The following RAB3GAP2 variants were observed in gnomAD, a reference collection of about 807,000 sequenced individuals.
RAB3GAP2 encodes the protein rab3 GTPase-activating protein non-catalytic subunit.
RAB3GAP2 carries 87 observed loss-of-function variants against 185.3 expected under a neutral mutation model. The observed-to-expected ratio is 0.47, with a 90% CI of 0.39 to 0.56. The LOEUF is 0.56. RAB3GAP2 is among the 20% of genes least tolerant of loss of function. The probability of loss-of-function intolerance (pLI) is 0.00; values close to 1 mark genes in which losing one functional copy is unlikely to be tolerated. For synonymous variants in RAB3GAP2, 554 were observed against 576.1 expected (o/e 0.96, Z 0.55); for missense variants, 1,492 against 1,638.2 (o/e 0.91, Z 1.54).
intron 1 of RAB3GAP2, among the ~76,000 whole-genome samples, chr1:220,237,390 C>G (rs181240581): frequency 3.3e-5 from 5 of 152,218 alleles, no homozygotes; most frequent in Non-Finnish European, 7.3e-5. Context: ...CTATGTCTTT[C>G]GTTTTACTGT....
At chr1:220,261,617 G>C (rs1660137912) in intron 1 of RAB3GAP2, among the ~76,000 whole-genome samples, 1 of 152,150 alleles carries the variant, frequency 6.6e-6, no homozygotes, top group Non-Finnish European at 1.5e-5. Context: ...TATCACCTTA[G>C]TTCTGCCTTT....
chr1:220,165,690 A>G (rs917833966), intron 26 of RAB3GAP2, among the ~76,000 whole-genome samples: 9 of 152,256 alleles, frequency 5.9e-5, no homozygotes, highest in Admixed American at 2.6e-4. Flanking sequence ...AAATGTAAGC[A>G]ACATTAATGA....
At chr1:220,241,467 A>T (rs1312249338) in intron 1 of RAB3GAP2, among the ~76,000 whole-genome samples, 2 of 152,110 alleles carry the variant, frequency 1.3e-5, no homozygotes, top group African/African-American at 4.8e-5. Context: ...GAGATAATGT[A>T]CTTGCTTCTA....
chr1:220,214,514 A>G (rs1659147683), intron 2 of RAB3GAP2, among the ~76,000 whole-genome samples: 1 of 151,778 alleles, frequency 6.6e-6, no homozygotes, highest in Non-Finnish European at 1.5e-5. Context: ...CGACAGAGTG[A>G]GACTCTGTCT....
chr1:220,198,655 G>A (rs1383297742), intron 9 of RAB3GAP2, among the ~76,000 whole-genome samples: 1 of 151,950 alleles, frequency 6.6e-6, no homozygotes, highest in Admixed American at 6.6e-5. Flanking sequence ...TTATTATTAG[G>A]AATGATATAA....
intron 1 of RAB3GAP2, among the ~76,000 whole-genome samples, chr1:220,234,188 C>G (rs1571919884): frequency 6.6e-6 from 1 of 152,106 alleles, no homozygotes; most frequent in East Asian, 2.0e-4. Flanking sequence ...CTAAAGTCCT[C>G]AGTGCCTGAC....
chr1:220,195,432 A>G, intron 10 of RAB3GAP2, 55 bp from the exon 11 acceptor site: 2 of 1,427,788 alleles, frequency 1.4e-6, no homozygotes, highest in Non-Finnish European at 2.0e-6. Flanking sequence ...AGAAACAAAC[A>G]TACTTTCTAA....
chr1:220,258,375 T>C (rs1320965597), intron 1 of RAB3GAP2, among the ~76,000 whole-genome samples: 1 of 152,142 alleles, frequency 6.6e-6, no homozygotes, highest in African/African-American at 2.4e-5. Flanking sequence ...CACCTCAAAA[T>C]GCTTATCTAC....
At chr1:220,198,659 G>T (rs1658775575) in intron 9 of RAB3GAP2, among the ~76,000 whole-genome samples, 1 of 152,072 alleles carries the variant, frequency 6.6e-6, no homozygotes, top group Non-Finnish European at 1.5e-5. Context: ...TATTAGGAAT[G>T]ATATAAGCAT....
At chr1:220,213,005 C>T (rs1465919779) in intron 3 of RAB3GAP2, 37 bp from the exon 4 acceptor site, 3 of 1,422,846 alleles carry the variant, frequency 2.1e-6, no homozygotes, top group South Asian at 1.2e-5. Context: ...ATAATTTTAG[C>T]TATAATACAC....
intron 9 of RAB3GAP2, among the ~76,000 whole-genome samples, chr1:220,198,434 C>T (rs918605508): frequency 6.6e-6 from 1 of 152,164 alleles, no homozygotes; most frequent in African/African-American, 2.4e-5. Context: ...CTACAGCTGA[C>T]CACATTCCTA....
rs964633674 is a variant in RAB3GAP2, at chr1:220,214,034, T to C, written c.181-55A>G. 4.5e-6 allele frequency: 7 copies of C among 1,569,862 alleles called. No individual in the cohort carries two copies. The African/African-American group carries it at 8.1e-5, about 18-fold the overall frequency. ...GCAAAAATACCAAGAGTATTCAAACTCAGCTTGCCTGTCTCAAGGGGTGAG... is the reference window on the plus strand; with the variant it reads ...GCAAAAATACCAAGAGTATTCAAACCCAGCTTGCCTGTCTCAAGGGGTGAG... On this transcript the variant is annotated intron_variant, in intron 2 of 34. Transcript: ENST00000358951.
chr1:220,254,078 A>G (rs1571931112), intron 1 of RAB3GAP2: 4 of 1,613,810 alleles, frequency 2.5e-6, no homozygotes, highest in African/African-American at 1.3e-5. Flanking sequence ...TGGCTTGTTG[A>G]TGACTGGGAC....
intron 1 of RAB3GAP2, chr1:220,267,260 T>C (rs1388681460): frequency 1.1e-6 from 1 of 906,500 alleles, no homozygotes; most frequent in Non-Finnish European, 1.9e-6. Flanking sequence ...TGAAGTTCTG[T>C]ATTGACTGTT....
At chr1:220,157,071 G>A (rs1242408790) in intron 31 of RAB3GAP2, among the ~76,000 whole-genome samples, 199 bp downstream of exon 31, 2 of 152,112 alleles carry the variant, frequency 1.3e-5, no homozygotes, top group Non-Finnish European at 2.9e-5. Context: ...GCAGACAGCT[G>A]AGAGGGCAAA....
intron 6 of RAB3GAP2, 31 bp downstream of exon 6, chr1:220,210,770 G>C: frequency 6.3e-7 from 1 of 1,591,848 alleles, no homozygotes; most frequent in Non-Finnish European, 8.6e-7. Flanking sequence ...CAGTCAACTA[G>C]TGTTTTCCAG....
intron 21 of RAB3GAP2, among the ~76,000 whole-genome samples, chr1:220,176,753 TC>T (rs747715547): frequency 3.2e-4 from 49 of 152,090 alleles, no homozygotes; most frequent in Non-Finnish European, 6.9e-4. Flanking sequence ...TCACAGCAGA[TC>T]CCCCTCAGGG....
chr1:220,259,504 T>C (rs911305003), intron 1 of RAB3GAP2, among the ~76,000 whole-genome samples: 1 of 151,680 alleles, frequency 6.6e-6, no homozygotes, highest in Non-Finnish European at 1.5e-5. Flanking sequence ...TTAATAAATT[T>C]AATAAATTTA....
intron 31 of RAB3GAP2, among the ~76,000 whole-genome samples, chr1:220,156,161 G>A (rs1383417953): frequency 6.6e-6 from 1 of 152,098 alleles, no homozygotes; most frequent in Non-Finnish European, 1.5e-5. Flanking sequence ...ATGTTGGCCA[G>A]GCTGGTCTCA....
Sources: gnomAD v4.1 joint callset for allele counts (sites outside exome capture counted in the v4.1 genomes callset) on GRCh38, gnomAD v4.1.1 for gene constraint, MANE v1.5 for transcripts, NCBI Gene and HGNC (gene_info 2026-07-23, HGNC 2026-07-21) for gene names.